The following MICU3 variants were observed in gnomAD, a reference collection of about 807,000 sequenced individuals.
MICU3 encodes mitochondrial calcium uptake 3.
In MICU3, 62 loss-of-function variants were observed where a neutral mutation model predicts 66.5. The observed-to-expected ratio is 0.93, with a 90% CI of 0.76 to 1.15. The LOEUF is 1.15. Among genes scored for constraint, MICU3 ranks in the 50% most tolerant of loss-of-function variants. The pLI is 0.00. For synonymous variants in MICU3, 308 were observed against 240.7 expected (o/e 1.28, Z -2.59); for missense variants, 779 against 664.4 (o/e 1.17, Z -1.90).
chr8:17,085,210 A>G (rs1799343420), intron 5 of MICU3, 26 bp from the exon 6 acceptor site: 1 of 1,533,316 alleles, frequency 6.5e-7, no homozygotes, highest in Non-Finnish European at 8.9e-7. Flanking sequence ...CCATTTTGTG[A>G]ATACCTTCTC....
intron 11 of MICU3, among the ~76,000 whole-genome samples, chr8:17,107,767 T>A (rs1801863785): frequency 6.6e-6 from 1 of 152,218 alleles, no homozygotes; most frequent in Admixed American, 6.5e-5. Flanking sequence ...AACCTTGCTT[T>A]AGCATAGGCA....
chr8:17,032,998 G>A (rs538352385), intron 1 of MICU3, among the ~76,000 whole-genome samples: 1 of 152,266 alleles, frequency 6.6e-6, no homozygotes, highest in South Asian at 2.1e-4. Context: ...TAAATGTTAT[G>A]TGTAGTTTCC....
chr8:17,078,055 A>T (rs1434009006), intron 4 of MICU3, among the ~76,000 whole-genome samples, 194 bp downstream of exon 4: 3 of 151,984 alleles, frequency 2.0e-5, no homozygotes, highest in Non-Finnish European at 1.5e-5. Flanking sequence ...TCCACCCTTC[A>T]TTAAGGGTGG....
chr8:17,049,641 A>G, intron 1 of MICU3: 4 of 518,282 alleles, frequency 7.7e-6, no homozygotes, highest in South Asian at 1.4e-5. Context: ...TGCAAAACCC[A>G]TATACTTTCA....
chr8:17,039,999 C>T (rs1317450250), intron 1 of MICU3, among the ~76,000 whole-genome samples: 4 of 148,114 alleles, frequency 2.7e-5, no homozygotes. Flanking sequence ...CCTCCACCTC[C>T]CATGTTCAAG....
the MICU3 span, among the ~76,000 whole-genome samples, chr8:17,135,389 C>G: frequency 6.7e-6 from 1 of 149,108 alleles, no homozygotes; most frequent in Non-Finnish European, 1.5e-5. Flanking sequence ...CAGAGCAAGA[C>G]TGTCTCAAAA....
chr8:17,029,673 A>G (rs1436701807), intron 1 of MICU3, among the ~76,000 whole-genome samples: 1 of 151,912 alleles, frequency 6.6e-6, no homozygotes, highest in South Asian at 2.1e-4. Flanking sequence ...GAAAACTTTT[A>G]TGATCTGTTT....
chr8:17,046,580 A>G (rs948215870), intron 1 of MICU3, among the ~76,000 whole-genome samples: 4 of 152,144 alleles, frequency 2.6e-5, no homozygotes, highest in African/African-American at 7.2e-5. Context: ...AATAACTGCA[A>G]TGGTGTGTGA....
intron 1 of MICU3, among the ~76,000 whole-genome samples, chr8:17,040,648 A>C (rs1006334314): frequency 2.0e-5 from 3 of 152,218 alleles, no homozygotes; most frequent in Non-Finnish European, 4.4e-5. Context: ...CATATGAAAA[A>C]AAATTCATTT....
At chr8:17,118,300 G>C (rs527513028) in intron 13 of MICU3, among the ~76,000 whole-genome samples, 1 of 151,536 alleles carries the variant, frequency 6.6e-6, no homozygotes, top group African/African-American at 2.4e-5. Context: ...ACAGATAATA[G>C]CATACAAATA....
chr8:17,117,902 C>T (rs1270463470), intron 13 of MICU3, among the ~76,000 whole-genome samples: 1 of 152,216 alleles, frequency 6.6e-6, no homozygotes, highest in Non-Finnish European at 1.5e-5. Flanking sequence ...AGCCACCGTA[C>T]CCGGCCAGTA....
chr8:17,130,636 A>G, the MICU3 span, among the ~76,000 whole-genome samples: 64 of 152,338 alleles, frequency 4.2e-4, no homozygotes, highest in African/African-American at 1.4e-3. Context: ...ATAGAAGTAT[A>G]CTGTTGTAAG....
At chr8:17,113,496 A>T (rs1802396669) in intron 11 of MICU3, among the ~76,000 whole-genome samples, 1 of 152,200 alleles carries the variant, frequency 6.6e-6, no homozygotes, top group Admixed American at 6.5e-5. Context: ...ATCCCACACC[A>T]GCCCAGTGTG....
chr8:17,087,054 A>C lies in MICU3; in HGVS notation c.849+19A>C. The C allele has an allele frequency of 6.6e-7, 1 of 1,520,598 alleles. No homozygotes were observed. Among genetic ancestry groups the C allele is most frequent in the Non-Finnish European group, 9.1e-7 (1 of 1,103,434 alleles). 94.2% of individuals were successfully genotyped at this position (1,520,598 alleles called of 1,614,324 possible). A position where few individuals can be genotyped will look rare whatever the true frequency, so the allele number is the denominator to read the frequency against. On this transcript the variant is annotated intron_variant, in intron 7 of 14. Transcript: ENST00000318063. The stretch of plus-strand genomic sequence containing the variant: ...AATGCTGGTAAGAATACTTTATAGT[A>C]GCTTTAGGTGGCTTTTGTAGGCAAC...
chr8:17,036,766 C>T (rs187684588), intron 1 of MICU3, among the ~76,000 whole-genome samples: 12,839 of 152,300 alleles, frequency 0.084, 789 homozygotes, highest in East Asian at 0.34. Context: ...CAGTGGATCC[C>T]GCACCAGGGC....
At chr8:17,063,914 TTTTA>T (rs1818267608) in intron 1 of MICU3, among the ~76,000 whole-genome samples, 166 bp from the exon 2 acceptor site, 1 of 152,202 alleles carries the variant, frequency 6.6e-6, no homozygotes, top group Admixed American at 6.5e-5. Flanking sequence ...TATTAATTTA[TTTTA>T]TTTATGTGAA....
intron 3 of MICU3, among the ~76,000 whole-genome samples, chr8:17,074,739 A>G (rs1431912703): frequency 2.0e-5 from 3 of 151,828 alleles, no homozygotes; most frequent in Admixed American, 1.3e-4. Context: ...ATTTTTCTAT[A>G]ATATATATCT....
At position 17,074,590 on chromosome 8, in the gene MICU3, C is replaced by CATGTGT. The variant is rs1359381863; in HGVS notation, c.568-3193_568-3192insATGTGT. 5.6e-4 allele frequency among the ~76,000 whole-genome samples: 80 copies of CATGTGT among 142,014 alleles called. 1 individual carries two copies. The highest frequency in any genetic ancestry group is 1.7e-3 in the African/African-American group (69 of 39,532). 93.2% of individuals were successfully genotyped at this position (142,014 alleles called of 152,430 possible). ...GAATCAGACTAAAATGATGTTAAAA[C>CATGTGT]GTGTGTGTGTGTGTGTGTGTGTGTG... On this transcript the variant is annotated intron_variant, in intron 3 of 14. Coordinates refer to ENST00000318063, the MANE Select transcript of MICU3 (RefSeq NM_181723.3).
At chr8:17,069,289 A>G (rs1337025577) in intron 2 of MICU3, among the ~76,000 whole-genome samples, 4 of 152,076 alleles carry the variant, frequency 2.6e-5, no homozygotes, top group African/African-American at 9.7e-5. Context: ...CACAAGTAAT[A>G]CCTTAAAATT....
Sources: gnomAD v4.1 joint callset for allele counts (sites outside exome capture counted in the v4.1 genomes callset) on GRCh38, gnomAD v4.1.1 for gene constraint, MANE v1.5 for transcripts, NCBI Gene and HGNC (gene_info 2026-07-23, HGNC 2026-07-21) for gene names.